GPCPD1: variants seen among roughly 807,000 people sequenced by gnomAD.
The protein encoded by GPCPD1 is glycerophosphocholine phosphodiesterase 1, also known as glycerophosphocholine phosphodiesterase GPCPD1.
GPCPD1 carries 29 observed loss-of-function variants against 89.2 expected under a neutral mutation model. The ratio of observed to expected loss-of-function variants is 0.33; its 90% CI spans 0.24 to 0.44. The LOEUF (loss-of-function observed/expected upper bound fraction) is 0.44. Ranked by LOEUF, GPCPD1 falls within the 20% of genes least tolerant of loss-of-function variation. The pLI, the probability that GPCPD1 is intolerant of heterozygous loss-of-function variation, is 1.00. For synonymous variants in GPCPD1, 258 were observed against 266.3 expected (o/e 0.97, Z 0.30); for missense variants, 594 against 808.9 (o/e 0.73, Z 3.22).
chr20:5,607,895 CAA>C (rs1287221171), intron 1 of GPCPD1, among the ~76,000 whole-genome samples: 1 of 151,684 alleles, frequency 6.6e-6, no homozygotes, highest in African/African-American at 2.4e-5. Flanking sequence ...TATCACCCAT[CAA>C]AAGAGCTGAA....
At chr20:5,580,240 T>C (rs1978362188) in intron 6 of GPCPD1, 109 bp from the exon 7 acceptor site, 1 of 563,862 alleles carries the variant, frequency 1.8e-6, no homozygotes, top group Non-Finnish European at 3.2e-6. Context: ...TTTTTTTTTT[T>C]AACCTCCAAA....
intron 5 of GPCPD1, chr20:5,584,631 C>G (rs916601231): frequency 5.9e-6 from 1 of 170,914 alleles, no homozygotes; most frequent in Non-Finnish European, 1.2e-5. Context: ...ATGTACAAGA[C>G]TCACAGGTTG....
intron 19 of GPCPD1, among the ~76,000 whole-genome samples, chr20:5,556,662 T>C (rs1985786997): frequency 1.3e-5 from 2 of 152,166 alleles, no homozygotes. Context: ...ACCCCAAATA[T>C]CTTTATACTA....
chr20:5,546,785 A>G lies in GPCPD1; in HGVS notation c.*876T>C, dbSNP rs1985049840. 6.7e-6 allele frequency: 1 copy of G among 149,124 alleles called. No homozygotes were observed. Among genetic ancestry groups the G allele is most frequent in the African/African-American group, 2.6e-5 (1 of 38,550 alleles). 9.2% of individuals were successfully genotyped at this position (149,124 alleles called of 1,614,324 possible). A position where few individuals can be genotyped will look rare whatever the true frequency, so the allele number is the denominator to read the frequency against. ...AAGCATATTTAAAACGCCTACAAACAGCCTTTTTTTTTTAGGCAACAAAAT... is the reference window on the plus strand; with the variant it reads ...AAGCATATTTAAAACGCCTACAAACGGCCTTTTTTTTTTAGGCAACAAAAT... On this transcript the variant is annotated 3_prime_UTR_variant, in exon 20 of 20. Transcript: ENST00000379019.
At chr20:5,587,709 A>G (rs575982456) in intron 4 of GPCPD1, among the ~76,000 whole-genome samples, 21 of 152,286 alleles carry the variant, frequency 1.4e-4, no homozygotes, top group Admixed American at 3.3e-4. Flanking sequence ...CTTCTCTATT[A>G]TCTTTAGAAG....
rs370804210 is a variant in GPCPD1, at chr20:5,592,005, G to A, written c.231+1322C>T. 7.9e-5 allele frequency among the ~76,000 whole-genome samples: 12 copies of A among 152,262 alleles called. No individual in the cohort carries two copies. The East Asian group carries it at 2.1e-3, about 27-fold the overall frequency. On this transcript the variant is annotated intron_variant, in intron 4 of 19. Transcript: ENST00000379019. ...GCCAATTTTTTCAAAAGGTATTTTG[G>A]ACTGATCTGCTGCTTTTGGTAACAT...
At chr20:5,566,963 A>G (rs537348827) in intron 13 of GPCPD1, among the ~76,000 whole-genome samples, 191 bp from the exon 14 acceptor site, 77 of 152,306 alleles carry the variant, frequency 5.1e-4, no homozygotes, top group Admixed American at 2.0e-3. Flanking sequence ...ATAATGATCA[A>G]ATACTCAATT....
At chr20:5,559,840 A>G (rs922752011) in intron 17 of GPCPD1, 100 bp downstream of exon 17, 2 of 611,972 alleles carry the variant, frequency 3.3e-6, no homozygotes, top group Admixed American at 3.1e-5. Context: ...CAGAGGACAG[A>G]TCATGGGGGA....
rs937012819 is a variant in GPCPD1 at position 5,560,876 on chromosome 20, T to C, written c.1395+589A>G. On this transcript the variant is annotated intron_variant, in intron 16 of 19. Transcript: ENST00000379019. The stretch of plus-strand genomic sequence containing the variant: ...CAATCTGCACATATTCTCTCTGATA[T>C]ATTCAATAGTTAGCTAATTGTTTTC... Among the ~76,000 whole-genome samples the C allele has an allele frequency of 3.3e-5, 5 of 152,228 alleles. No individual in the cohort carries two copies. In the East Asian group the frequency reaches 7.7e-4, roughly 23 times the overall value.
chr20:5,582,165 G>A (rs1268640938), intron 6 of GPCPD1, among the ~76,000 whole-genome samples: 7 of 110,434 alleles, frequency 6.3e-5, no homozygotes, highest in Admixed American at 1.3e-4. Flanking sequence ...CAGCCTGGGC[G>A]ACAGAGCGAG....
At chr20:5,599,799 C>T (rs1184769467) in intron 2 of GPCPD1, among the ~76,000 whole-genome samples, 1 of 152,084 alleles carries the variant, frequency 6.6e-6, no homozygotes, top group African/African-American at 2.4e-5. Context: ...GTGATCTGCC[C>T]GCCTTGGCCT....
intron 1 of GPCPD1, among the ~76,000 whole-genome samples, chr20:5,610,548 T>G (rs542389134): frequency 1.3e-5 from 2 of 152,190 alleles, no homozygotes; most frequent in South Asian, 2.1e-4. Flanking sequence ...CCACGCACCC[T>G]GCTACTCCTC....
At chr20:5,563,732 T>C (rs1440056771) in intron 15 of GPCPD1, among the ~76,000 whole-genome samples, 1 of 152,188 alleles carries the variant, frequency 6.6e-6, no homozygotes, top group Non-Finnish European at 1.5e-5. Flanking sequence ...TCTTTTAGCA[T>C]CCTTTTTGCA....
At chr20:5,558,534 C>T (rs1181180561) in intron 18 of GPCPD1, 150 bp downstream of exon 18, 7 of 531,010 alleles carry the variant, frequency 1.3e-5, no homozygotes, top group Non-Finnish European at 2.3e-5. Flanking sequence ...ATCCTGAGAT[C>T]TAATATCCTC....
intron 8 of GPCPD1, 66 bp from the exon 9 acceptor site, chr20:5,576,044 C>A: frequency 1.9e-6 from 1 of 523,832 alleles, no homozygotes; most frequent in Non-Finnish European, 3.4e-6. Context: ...TACATATACA[C>A]ACACACACAC....
At chr20:5,608,235 T>C (rs1281388634) in intron 1 of GPCPD1, among the ~76,000 whole-genome samples, 2 of 152,190 alleles carry the variant, frequency 1.3e-5, no homozygotes, top group East Asian at 3.8e-4. Context: ...GAAGAGTGAC[T>C]ACAGTAACTT....
chr20:5,554,405 T>G (rs1383511466), intron 19 of GPCPD1, among the ~76,000 whole-genome samples: 1 of 152,162 alleles, frequency 6.6e-6, no homozygotes, highest in Non-Finnish European at 1.5e-5. Flanking sequence ...GCTGCTTCTC[T>G]TGTTAGGGGC....
At position 5,603,594 on chromosome 20, in the gene GPCPD1, TGA is replaced by T. The variant is rs1412364390; in HGVS notation, c.49+768_49+769del. ...AAAACCGAGAGGTACCTCAGTTTTA[TGA>T]GAGCCCAGGTGTGATACGGCTTTGA... On this transcript the variant is annotated intron_variant, in intron 2 of 19. Coordinates refer to ENST00000379019, the MANE Select transcript of GPCPD1 (RefSeq NM_019593.5). Among the ~76,000 whole-genome samples, 3 of 152,178 alleles carry T rather than the reference TGA, an allele frequency of 2.0e-5. No homozygotes were observed. The East Asian group carries it at 5.8e-4, about 29-fold the overall frequency.
At chr20:5,576,174 A>G (rs1238048890) in intron 8 of GPCPD1, among the ~76,000 whole-genome samples, 196 bp from the exon 9 acceptor site, 2 of 151,886 alleles carry the variant, frequency 1.3e-5, no homozygotes, top group African/African-American at 2.4e-5. Context: ...TAATCCCAGC[A>G]CTTTGGGATG....
Sources: allele counts gnomAD v4.1 joint callset (sites outside exome capture counted in the v4.1 genomes callset), GRCh38; gene constraint gnomAD v4.1.1; transcripts MANE v1.5; gene names NCBI Gene and HGNC (gene_info 2026-07-23, HGNC 2026-07-21).